The following ADARB1 variants were observed in gnomAD, a reference collection of about 807,000 sequenced individuals.
ADARB1 encodes double-stranded RNA-specific editase 1.
Under a neutral mutation model 52.4 loss-of-function variants are expected in ADARB1, and 10 were observed. That is an observed-to-expected ratio of 0.19 (90% CI 0.12 to 0.32). The LOEUF (loss-of-function observed/expected upper bound fraction) is 0.32. ADARB1 is among the 10% of genes least tolerant of loss of function. The pLI is 1.00. For synonymous variants in ADARB1, 349 were observed against 371.1 expected, an observed-to-expected ratio of 0.94 and a Z score of 0.68; for missense variants, 643 against 922.3, an observed-to-expected ratio of 0.70 and a Z score of 3.92.
chr21:45,158,633 A>G (rs1043159542), intron 2 of ADARB1, among the ~76,000 whole-genome samples: 3 of 151,872 alleles, frequency 2.0e-5, no homozygotes, highest in Non-Finnish European at 4.4e-5. Context: ...CAGGTCCCAT[A>G]TGTGTTTCCT....
chr21:45,093,168 G>T (rs774874288), intron 1 of ADARB1, among the ~76,000 whole-genome samples: 3 of 152,178 alleles, frequency 2.0e-5, no homozygotes, highest in Admixed American at 6.5e-5. Flanking sequence ...CCCATTCTGT[G>T]CCTGGACCTC....
intron 2 of ADARB1, among the ~76,000 whole-genome samples, chr21:45,140,015 C>G (rs1018371997): frequency 7.3e-6 from 1 of 136,158 alleles, no homozygotes; most frequent in Non-Finnish European, 1.5e-5. Flanking sequence ...ATGATCTCTA[C>G]TCACTGCAAC....
rs540928001 is a variant in ADARB1 at position 45,168,756 on chromosome 21, T to C, written c.-47-2854T>C. 2.3e-4 allele frequency among the ~76,000 whole-genome samples: 35 copies of C among 152,338 alleles called. No individual in the cohort carries two copies. The East Asian group carries it at 5.8e-3, about 25-fold the overall frequency. On this transcript the variant is annotated intron_variant, in intron 2 of 10. Coordinates refer to ENST00000348831, the MANE Select transcript of ADARB1 (RefSeq NM_001112.4). The stretch of plus-strand genomic sequence containing the variant: ...TTGCTCCCACTTTATTTTTTTTTTA[T>C]GGTGGTTACATTAAAGTCTTTCTAA...
At chr21:45,156,722 C>T (rs1331932444) in intron 2 of ADARB1, among the ~76,000 whole-genome samples, 1 of 152,164 alleles carries the variant, frequency 6.6e-6, no homozygotes, top group Non-Finnish European at 1.5e-5. Context: ...GTACTCATTA[C>T]ACCCTTCTCT....
At chr21:45,122,106 C>T (rs1213390080) in intron 1 of ADARB1, among the ~76,000 whole-genome samples, 4 of 152,282 alleles carry the variant, frequency 2.6e-5, no homozygotes, top group Non-Finnish European at 4.4e-5. Context: ...ATTACTGTCT[C>T]GAAACAGTGA....
At chr21:45,139,037 C>T (rs1054309901) in intron 2 of ADARB1, among the ~76,000 whole-genome samples, 59 of 152,120 alleles carry the variant, frequency 3.9e-4, no homozygotes, top group African/African-American at 1.4e-3. Context: ...TCACCTGCCA[C>T]AGCCTCCTGA....
intron 2 of ADARB1, among the ~76,000 whole-genome samples, chr21:45,163,375 C>T (rs2091079689): frequency 6.6e-6 from 1 of 152,210 alleles, no homozygotes; most frequent in Admixed American, 6.5e-5. Flanking sequence ...CGTTCTTCCT[C>T]ACAGGAAGCA....
chr21:45,135,328 G>A (rs1032461584), intron 2 of ADARB1, among the ~76,000 whole-genome samples: 1 of 152,236 alleles, frequency 6.6e-6, no homozygotes, highest in African/African-American at 2.4e-5. Context: ...TGTGCTGACC[G>A]GCCTGCCAGA....
chr21:45,149,046 G>A (rs538235110), intron 2 of ADARB1, among the ~76,000 whole-genome samples: 8 of 152,332 alleles, frequency 5.3e-5, no homozygotes, highest in Non-Finnish European at 8.8e-5. Context: ...TCACCTCAGC[G>A]TGAAAGGCCC....
chr21:45,209,598 A>G (rs2061322521), intron 9 of ADARB1, among the ~76,000 whole-genome samples: 1 of 152,122 alleles, frequency 6.6e-6, no homozygotes. Flanking sequence ...CCACCCCTCC[A>G]TGGTCACCCT....
chr21:45,120,185 C>T (rs531764715), intron 1 of ADARB1, among the ~76,000 whole-genome samples: 16 of 152,224 alleles, frequency 1.1e-4, no homozygotes, highest in Non-Finnish European at 1.0e-4. Context: ...GGTGAAGTGC[C>T]AAAGAAAGGA....
rs566972102 is a variant in ADARB1, at chr21:45,204,130, A to G, written c.1566-425A>G. On this transcript the variant is annotated intron_variant, in intron 8 of 10. Transcript: ENST00000348831. This position sits in a 1 kb window ranked among gnomAD's most constrained non-coding sequence, Gnocchi z 4.4. ...CACCACACTCCTCAGAACGGCATAC[A>G]GTTGAAAGTCTGGAAGTGTTTATTT... is the stretch of plus-strand genomic sequence containing the variant. Among the ~76,000 whole-genome samples the G allele has an allele frequency of 6.2e-4, 94 of 152,354 alleles. No homozygotes were observed. Among genetic ancestry groups the G allele is most frequent in the Non-Finnish European group, 1.1e-3 (76 of 68,036 alleles).
Position 45,128,756 on chromosome 21 carries a change from A to G in ADARB1, c.-48+183A>G, listed in dbSNP as rs1412967598. Among the ~76,000 whole-genome samples the G allele has an allele frequency of 6.6e-6, 1 of 152,152 alleles. No individual in the cohort carries two copies. The highest frequency in any genetic ancestry group is 1.5e-5 in the Non-Finnish European group (1 of 68,030). The stretch of plus-strand genomic sequence containing the variant: ...ATCTTACTGCAGCCTTAGCTCACCC[A>G]TGAGTCCCTCCTGCTTGTTCTGGGG... On this transcript the variant is annotated intron_variant, in intron 2 of 10. Transcript: ENST00000348831. This position sits in a 1 kb window ranked among gnomAD's most constrained non-coding sequence, Gnocchi z 4.6.
At chr21:45,094,260 A>G (rs963861627) in intron 1 of ADARB1, among the ~76,000 whole-genome samples, 1 of 152,186 alleles carries the variant, frequency 6.6e-6, no homozygotes, top group African/African-American at 2.4e-5. Context: ...GCTCTGTTCA[A>G]GATCCCTCAC....
chr21:45,184,855 A>G (rs2092047657), intron 7 of ADARB1, 68 bp from the exon 8 acceptor site: 2 of 1,457,890 alleles, frequency 1.4e-6, no homozygotes, highest in South Asian at 2.6e-5. Flanking sequence ...CTATTGTTAG[A>G]TGTGCTTTTC....
intron 8 of ADARB1, among the ~76,000 whole-genome samples, chr21:45,187,680 T>A (rs574958447): frequency 3.9e-5 from 6 of 152,310 alleles, no homozygotes; most frequent in African/African-American, 1.4e-4. Flanking sequence ...TGAGTTAGTT[T>A]TTTTTCTATT....
intron 1 of ADARB1, among the ~76,000 whole-genome samples, chr21:45,092,465 T>C (rs2086597268): frequency 6.6e-6 from 1 of 152,224 alleles, no homozygotes; most frequent in African/African-American, 2.4e-5. Context: ...AGTTATACCA[T>C]TGGAATTTAC....
chr21:45,159,009 T>C (rs2090819063), intron 2 of ADARB1, among the ~76,000 whole-genome samples: 3 of 152,318 alleles, frequency 2.0e-5, no homozygotes, highest in South Asian at 2.1e-4. Flanking sequence ...TTTTTTCTTA[T>C]GGAAGCAGTA....
chr21:45,176,968 C>G lies in ADARB1; in HGVS notation c.963+304C>G. On this transcript the variant is annotated intron_variant, in intron 4 of 10. Transcript: ENST00000348831. The surrounding 1 kb of genome is among the most constrained non-coding windows in gnomAD (Gnocchi z 5.8). ...TCCCTTCCCGTTAGGCAACCCCCCC[C>G]ATGACCCTCATCCCACAGCAAGCCT... is the stretch of plus-strand genomic sequence containing the variant. 1 of 284,754 alleles carries G rather than the reference C, an allele frequency of 3.5e-6. No individual in the cohort carries two copies. Among genetic ancestry groups the G allele is most frequent in the Non-Finnish European group, 6.5e-6 (1 of 153,378 alleles). 17.6% of individuals were successfully genotyped at this position (284,754 alleles called of 1,614,324 possible). A position where few individuals can be genotyped will look rare whatever the true frequency, so the allele number is the denominator to read the frequency against.
Sources: gnomAD v4.1 joint callset for allele counts (sites outside exome capture counted in the v4.1 genomes callset) on GRCh38, gnomAD v4.1.1 for gene constraint, Gnocchi (gnomAD v3.1) non-coding constraint, MANE v1.5 for transcripts, NCBI Gene and HGNC (gene_info 2026-07-23, HGNC 2026-07-21) for gene names.